Variants in ADGRE3 observed in about 807,000 individuals in gnomAD.
ADGRE3 encodes EGF-like module receptor 3.
A neutral mutation model predicts 80.1 loss-of-function variants in ADGRE3; 88 were observed. The ratio of observed to expected loss-of-function variants is 1.10; its 90% CI spans 0.93 to 1.31. The LOEUF is 1.31. ADGRE3 is among the 40% of genes most tolerant of loss of function. The pLI is 0.00. For missense variants in ADGRE3, 715 were observed against 776.5 expected (o/e 0.92, Z 0.94); for synonymous variants, 281 against 294.8 (o/e 0.95, Z 0.48).
intron 11 of ADGRE3, among the ~76,000 whole-genome samples, chr19:14,636,000 T>C (rs1971027660): frequency 1.5e-4 from 4 of 27,502 alleles, no homozygotes; most frequent in Non-Finnish European, 3.9e-4. Context: ...TTTCTCTCTC[T>C]TTCTCTTTCT....
At chr19:14,650,116 A>C (rs1599635358) in intron 7 of ADGRE3, among the ~76,000 whole-genome samples, 18 of 108,040 alleles carry the variant, frequency 1.7e-4, no homozygotes, top group South Asian at 2.9e-4. Flanking sequence ...CCCTCTCCTC[A>C]TCTCTCTCTT....
At chr19:14,671,639 T>C (rs747845362) in intron 1 of ADGRE3, among the ~76,000 whole-genome samples, 10 of 152,180 alleles carry the variant, frequency 6.6e-5, no homozygotes, top group Non-Finnish European at 1.0e-4. Context: ...TTCCTGTAAT[T>C]CTCACCCTTC....
Position 14,623,304 on chromosome 19 carries a change from A to AAAAAAT in ADGRE3, c.1920+2187_1920+2188insATTTTT, listed in dbSNP as rs1250785452. 1.1e-4 allele frequency among the ~76,000 whole-genome samples: 3 copies of AAAAAAT among 27,482 alleles called. 1 individual carries two copies. The highest frequency in any genetic ancestry group is 4.6e-4 in the African/African-American group (3 of 6,584). 18.0% of individuals were successfully genotyped at this position (27,482 alleles called of 152,430 possible). A position where few individuals can be genotyped will look rare whatever the true frequency, so the allele number is the denominator to read the frequency against. Reference sequence around the variant, plus strand: ...AATACTTAAAAAAAAAAAAATAAAAAAAAAAAAAAATAAAACTCCTGGACT... The same window carrying AAAAAAT: ...AATACTTAAAAAAAAAAAAATAAAAAAAAAATAAAAAAAAAATAAAACTCCTGGACT... On this transcript the variant is annotated intron_variant, in intron 15 of 15. Coordinates refer to ENST00000253673, the MANE Select transcript of ADGRE3 (RefSeq NM_032571.5).
chr19:14,674,674 C>A (rs1972346551), intron 1 of ADGRE3, 72 bp downstream of exon 1: 2 of 1,489,042 alleles, frequency 1.3e-6, no homozygotes, highest in African/African-American at 2.8e-5. Flanking sequence ...GAGAAAATAA[C>A]CAATTGTTGA....
rs749151474 is a variant in ADGRE3, at chr19:14,663,449, T to A, written c.168A>T (p.Lys56Asn). The change falls in exon 3 of 16, where the codon AAA becomes AAT. Residue 56 changes from lysine (K) to asparagine (N), a missense_variant. By Grantham distance (94) the Lys-to-Asn change is moderately conservative. Transcript: ENST00000253673. ...NHGYTSGSGQ[K>N]LFTFPLETCN... ...ATGTCTCCAAGGGGAATGTGAATAG[T>A]TTCTGCCCAGATCCAGAAGTATATC... The A allele has an allele frequency of 2.5e-6, 4 of 1,612,368 alleles. No homozygotes were observed. The South Asian group carries it at 4.4e-5, about 18-fold the overall frequency.
intron 2 of ADGRE3, among the ~76,000 whole-genome samples, chr19:14,667,490 C>T (rs896807203): frequency 2.0e-5 from 3 of 152,038 alleles, no homozygotes; most frequent in Non-Finnish European, 4.4e-5. Context: ...CATGTATACA[C>T]CAGGGAATAC....
intron 14 of ADGRE3, chr19:14,628,724 G>T: frequency 2.6e-6 from 1 of 385,748 alleles, no homozygotes; most frequent in South Asian, 2.2e-5. Context: ...ATGGATCTAT[G>T]AGTTTGCCCC....
chr19:14,656,677 T>A (rs1284578177), intron 5 of ADGRE3, among the ~76,000 whole-genome samples: 2 of 152,162 alleles, frequency 1.3e-5, no homozygotes, highest in Non-Finnish European at 2.9e-5. Context: ...TTTGATCATG[T>A]CTAGTCCCAG....
At chr19:14,620,537 T>TATATATATATATATATATGAA (rs1415988959) in intron 15 of ADGRE3, among the ~76,000 whole-genome samples, 1 of 18,450 alleles carries the variant, frequency 5.4e-5, no homozygotes, top group Non-Finnish European at 8.9e-5. Context: ...TATATATATT[T>TATATATATATATATATATGAA]TATATATATA....
intron 15 of ADGRE3, among the ~76,000 whole-genome samples, chr19:14,620,904 A>G (rs67434392): frequency 0.38 from 57,735 of 151,856 alleles, 11,142 homozygotes; most frequent in Non-Finnish European, 0.4. Context: ...TGGAGAACCA[A>G]TAACTGGAAT....
chr19:14,645,421 A>G (rs970771881), intron 8 of ADGRE3, among the ~76,000 whole-genome samples: 3 of 152,106 alleles, frequency 2.0e-5, no homozygotes, highest in African/African-American at 7.2e-5. Context: ...CACTTTGGGA[A>G]GCCAAGGCGG....
chr19:14,662,176 C>A, intron 3 of ADGRE3, 58 bp from the exon 4 acceptor site: 1 of 1,557,384 alleles, frequency 6.4e-7, no homozygotes, highest in Non-Finnish European at 8.8e-7. Context: ...TGAGCAGCTA[C>A]TATGTGTCAG....
chr19:14,628,760 G>T (rs1181256943), intron 14 of ADGRE3: 3 of 330,452 alleles, frequency 9.1e-6, no homozygotes, highest in Non-Finnish European at 1.8e-5. Context: ...TTACAAGGAA[G>T]GCTGTGTGAT....
intron 9 of ADGRE3, 34 bp downstream of exon 9, chr19:14,644,074 T>C: frequency 7.5e-7 from 1 of 1,340,170 alleles, no homozygotes; most frequent in Non-Finnish European, 9.7e-7. Context: ...GCTCAGAAAG[T>C]ATTTGCTGGA....
intron 15 of ADGRE3, 99 bp downstream of exon 15, chr19:14,625,393 A>G: frequency 1.2e-6 from 1 of 823,422 alleles, no homozygotes; most frequent in Non-Finnish European, 2.0e-6. Flanking sequence ...AAAAACAAAA[A>G]CAAAAACAAA....
intron 15 of ADGRE3, among the ~76,000 whole-genome samples, chr19:14,620,525 A>AT (rs1555753047): frequency 3.4e-5 from 1 of 29,436 alleles, no homozygotes; most frequent in Non-Finnish European, 6.0e-5. Flanking sequence ...ACTATATATG[A>AT]ATATATATAT....
chr19:14,659,822 G>GGAA (rs576784578), intron 4 of ADGRE3, among the ~76,000 whole-genome samples: 2 of 44,840 alleles, frequency 4.5e-5, no homozygotes, highest in African/African-American at 8.9e-5. Context: ...CTCTGCCTCT[G>GGAA]AAAAAAAAAA....
chr19:14,650,960 T>G (rs1294152889), intron 7 of ADGRE3, 125 bp downstream of exon 7: 3 of 953,808 alleles, frequency 3.1e-6, no homozygotes, highest in Non-Finnish European at 4.6e-6. Context: ...AAAGGGAAAA[T>G]CTCCAATATC....
At chr19:14,664,919 A>G (rs1284823775) in intron 2 of ADGRE3, among the ~76,000 whole-genome samples, 3 of 152,270 alleles carry the variant, frequency 2.0e-5, no homozygotes, top group Middle Eastern at 3.4e-3. Flanking sequence ...GAAAAATACC[A>G]ATCCATATAC....
Sources: gnomAD v4.1 joint callset for allele counts (sites outside exome capture counted in the v4.1 genomes callset) on GRCh38, gnomAD v4.1.1 for gene constraint, MANE v1.5 for transcripts, NCBI Gene and HGNC (gene_info 2026-07-23, HGNC 2026-07-21) for gene names.